VPS54: variants seen among roughly 807,000 people sequenced by gnomAD.
VPS54 encodes the protein vacuolar protein sorting-associated protein 54.
A neutral mutation model predicts 121.5 loss-of-function variants in VPS54; 45 were observed. That is an observed-to-expected ratio of 0.37 (90% CI 0.29 to 0.47). VPS54 has a LOEUF of 0.47. Ranked by LOEUF, VPS54 falls within the 20% of genes least tolerant of loss-of-function variation. The pLI is 0.99. For missense variants in VPS54, 1,090 were observed against 1,131.4 expected (o/e 0.96, Z 0.52); for synonymous variants, 371 against 385.8 (o/e 0.96, Z 0.45).
chr2:63,998,471 A>C (rs555482184), intron 1 of VPS54, among the ~76,000 whole-genome samples: 3 of 152,040 alleles, frequency 2.0e-5, no homozygotes, highest in Non-Finnish European at 4.4e-5. Context: ...GTTGTTTCGT[A>C]GTCTTCTCTT....
chr2:63,902,954 T>C (rs1301236960), intron 20 of VPS54, among the ~76,000 whole-genome samples: 1 of 151,174 alleles, frequency 6.6e-6, no homozygotes, highest in Admixed American at 6.6e-5. Context: ...GGCGAAAGAG[T>C]GAGACTGTCT....
chr2:63,981,853 T>C lies in VPS54; in HGVS notation c.171A>G (p.Leu57=), dbSNP rs748784602. The change falls in exon 3 of 23, where the codon CTA becomes CTG. Residue 57 remains leucine, a synonymous_variant. Coordinates refer to ENST00000272322, the MANE Select transcript of VPS54 (RefSeq NM_016516.3). ...DSHSLYVAPS[L]VTDQHRWTVY... ...CAGTCCATCTATGTTGATCTGTAAC[T>C]AGAGATGGGGCAACATATAAACTAT... 2 of 1,613,422 alleles carry C rather than the reference T, an allele frequency of 1.2e-6. No homozygotes were observed. The highest frequency in any genetic ancestry group is 2.2e-5 in the East Asian group (1 of 44,806).
chr2:63,907,776 C>A (rs1170179354), intron 20 of VPS54, among the ~76,000 whole-genome samples: 1 of 151,986 alleles, frequency 6.6e-6, no homozygotes, highest in Non-Finnish European at 1.5e-5. Flanking sequence ...GAAATCTGAG[C>A]AGACACTTTA....
chr2:63,925,464 T>A (rs1171982249), intron 12 of VPS54, among the ~76,000 whole-genome samples: 1 of 152,228 alleles, frequency 6.6e-6, no homozygotes, highest in Non-Finnish European at 1.5e-5. Flanking sequence ...TGAGAAATTG[T>A]TAGGCATTAG....
chr2:63,971,505 C>T (rs566391152), intron 4 of VPS54, among the ~76,000 whole-genome samples: 106 of 152,276 alleles, frequency 7.0e-4, no homozygotes, highest in African/African-American at 2.6e-3. Flanking sequence ...TCTTACAGTT[C>T]CTTGAATATT....
At chr2:63,893,691 G>A (rs1001703897) in intron 22 of VPS54, among the ~76,000 whole-genome samples, 156 bp from the exon 23 acceptor site, 6 of 152,182 alleles carry the variant, frequency 3.9e-5, no homozygotes, top group African/African-American at 1.4e-4. Flanking sequence ...TTCCTGCTAT[G>A]AATAAGTAGG....
intron 1 of VPS54, among the ~76,000 whole-genome samples, chr2:63,999,319 A>G (rs1677759326): frequency 6.6e-6 from 1 of 152,128 alleles, no homozygotes. Flanking sequence ...TTGTCTGGGA[A>G]AGTCTTTATT....
intron 10 of VPS54, among the ~76,000 whole-genome samples, chr2:63,944,270 C>T (rs184932275): frequency 1.3e-5 from 2 of 152,232 alleles, no homozygotes; most frequent in Non-Finnish European, 2.9e-5. Flanking sequence ...GTGGGCCTGG[C>T]CATTGAGGAG....
At chr2:64,015,512 A>G (rs1678640212) in intron 1 of VPS54, among the ~76,000 whole-genome samples, 1 of 152,160 alleles carries the variant, frequency 6.6e-6, no homozygotes, top group South Asian at 2.1e-4. Context: ...CAATGGTACC[A>G]TTGACATTTT....
intron 17 of VPS54, chr2:63,913,865 C>CA: frequency 9.1e-7 from 1 of 1,100,316 alleles, no homozygotes; most frequent in Non-Finnish European, 1.1e-6. Flanking sequence ...GAATTCCTTC[C>CA]ATGCACATTT....
chr2:63,893,722 A>G (rs1672323917), intron 22 of VPS54, among the ~76,000 whole-genome samples, 187 bp from the exon 23 acceptor site: 1 of 152,238 alleles, frequency 6.6e-6, no homozygotes, highest in East Asian at 1.9e-4. Context: ...CTGTACTTCA[A>G]TAATAAATAT....
intron 1 of VPS54, among the ~76,000 whole-genome samples, chr2:63,986,544 A>G (rs944997886): frequency 1.3e-5 from 2 of 152,216 alleles, no homozygotes; most frequent in African/African-American, 4.8e-5. Flanking sequence ...AATCGAGGCT[A>G]TTGTGAATAC....
intron 3 of VPS54, among the ~76,000 whole-genome samples, chr2:63,979,374 G>A (rs1270773786): frequency 6.6e-6 from 1 of 151,710 alleles, no homozygotes; most frequent in Non-Finnish European, 1.5e-5. Flanking sequence ...TGAGTAGCTG[G>A]GATTACAGGC....
intron 20 of VPS54, 146 bp downstream of exon 20, chr2:63,912,198 GA>G (rs1475479192): frequency 1.7e-5 from 14 of 820,314 alleles, no homozygotes; most frequent in South Asian, 6.1e-5. Flanking sequence ...ACATTTTCCT[GA>G]AAAAAAATTT....
chr2:64,018,515 C>T (rs530926675), intron 1 of VPS54, among the ~76,000 whole-genome samples: 57 of 152,166 alleles, frequency 3.7e-4, no homozygotes, highest in Admixed American at 1.2e-3. Flanking sequence ...GTTAGCCTTC[C>T]CCGGAGAGAA....
At position 63,893,409 on chromosome 2, in the gene VPS54, A is replaced by T. The variant is rs747059091; in HGVS notation, c.*21T>A. Reference sequence around the variant, plus strand: ...AACACATCCCATGGTCAGATGAACTACCCAGTTTTCCAGGATGACATCACC... The same window carrying T: ...AACACATCCCATGGTCAGATGAACTTCCCAGTTTTCCAGGATGACATCACC... On this transcript the variant is annotated 3_prime_UTR_variant, in exon 23 of 23. Transcript: ENST00000272322. The T allele has an allele frequency of 6.3e-7, 1 of 1,591,238 alleles. No individual in the cohort carries two copies. Among genetic ancestry groups the T allele is most frequent in the Non-Finnish European group, 8.6e-7 (1 of 1,159,366 alleles).
intron 20 of VPS54, among the ~76,000 whole-genome samples, chr2:63,909,689 A>C (rs1299773672): frequency 7.1e-6 from 1 of 141,396 alleles, no homozygotes; most frequent in Non-Finnish European, 1.5e-5. Flanking sequence ...AAGTGCTGGG[A>C]TTATAGACGT....
chr2:63,898,881 A>C (rs944464191), intron 21 of VPS54, among the ~76,000 whole-genome samples: 2 of 152,076 alleles, frequency 1.3e-5, no homozygotes, highest in African/African-American at 2.4e-5. Flanking sequence ...GTTACTGAGG[A>C]GTGAAGAGAA....
chr2:64,011,864 C>T (rs1397489458), intron 1 of VPS54, among the ~76,000 whole-genome samples: 1 of 152,048 alleles, frequency 6.6e-6, no homozygotes, highest in Non-Finnish European at 1.5e-5. Context: ...AATATATAAA[C>T]TATTAGATAC....
Sources: allele counts gnomAD v4.1 joint callset (sites outside exome capture counted in the v4.1 genomes callset), GRCh38; gene constraint gnomAD v4.1.1; transcripts MANE v1.5; gene names NCBI Gene and HGNC (gene_info 2026-07-23, HGNC 2026-07-21).